Variants in CUL3 observed in about 807,000 individuals in gnomAD.
CUL3 encodes the protein cullin-3.
A neutral mutation model predicts 89.1 loss-of-function variants in CUL3; 19 were observed. The observed-to-expected ratio is 0.21, with a 90% CI of 0.15 to 0.31. The LOEUF is 0.31. CUL3 is among the 10% of genes least tolerant of loss of function. The pLI, the probability that CUL3 is intolerant of heterozygous loss-of-function variation, is 1.00. For synonymous variants in CUL3, 351 were observed against 308.4 expected (o/e 1.14, Z -1.45); for missense variants, 469 against 942.3 (o/e 0.50, Z 6.58).
chr2:224,565,293 G>A (rs1490384075), intron 1 of CUL3, among the ~76,000 whole-genome samples: 1 of 152,230 alleles, frequency 6.6e-6, no homozygotes, highest in African/African-American at 2.4e-5. Context: ...ATAAGTGGAA[G>A]TGGATTGTCA....
At chr2:224,475,604 C>G (rs1236154783) in intron 15 of CUL3, among the ~76,000 whole-genome samples, 1 of 152,160 alleles carries the variant, frequency 6.6e-6, no homozygotes, top group Non-Finnish European at 1.5e-5. Context: ...TATCGCCCTT[C>G]CAGGATTACC....
At chr2:224,484,953 G>A (rs1343324850) in intron 13 of CUL3, among the ~76,000 whole-genome samples, 1 of 152,158 alleles carries the variant, frequency 6.6e-6, no homozygotes, top group East Asian at 1.9e-4. Context: ...CAATGGGACT[G>A]GTTAGACAGT....
Position 224,473,861 on chromosome 2 carries a change from A to G in CUL3, c.*384T>C, listed in dbSNP as rs561591751. 2.8e-5 allele frequency: 6 copies of G among 214,598 alleles called. No individual in the cohort carries two copies. Among genetic ancestry groups the G allele is most frequent in the Admixed American group, 5.8e-5 (1 of 17,290 alleles). The allele number at this position is 214,598 out of a possible 1,614,324, so 13.3% of individuals were successfully genotyped here. On this transcript the variant is annotated 3_prime_UTR_variant, in exon 16 of 16. Coordinates refer to ENST00000264414, the MANE Select transcript of CUL3 (RefSeq NM_003590.5). ...AACTTACACAATGCGCAAAGTGCTAAGCAACACTACAAAACACATTTACAT... is the reference window on the plus strand; with the variant it reads ...AACTTACACAATGCGCAAAGTGCTAGGCAACACTACAAAACACATTTACAT...
At chr2:224,545,357 C>G (rs1694255074) in intron 2 of CUL3, among the ~76,000 whole-genome samples, 1 of 152,082 alleles carries the variant, frequency 6.6e-6, no homozygotes, top group South Asian at 2.1e-4. Flanking sequence ...AAGATAGCCA[C>G]TGTAGGGAAA....
At chr2:224,479,540 TAAAAG>T (rs998181221) in intron 14 of CUL3, 2 of 152,120 alleles carry the variant, frequency 1.3e-5, no homozygotes, top group African/African-American at 4.8e-5. Context: ...AAGTGAGATA[TAAAAG>T]AAATTTTTGA....
intron 14 of CUL3, 171 bp from the exon 15 acceptor site, chr2:224,478,516 T>C: frequency 2.1e-6 from 1 of 481,326 alleles, no homozygotes; most frequent in Non-Finnish European, 3.6e-6. Context: ...TTTACTTGAA[T>C]ACTAAATTAT....
chr2:224,517,604 C>G (rs1433942879), intron 3 of CUL3, among the ~76,000 whole-genome samples: 1 of 152,172 alleles, frequency 6.6e-6, no homozygotes. Flanking sequence ...ACCCAGTAGA[C>G]AGAGGCTGCA....
At chr2:224,542,573 G>A (rs548933780) in intron 2 of CUL3, among the ~76,000 whole-genome samples, 167 of 151,840 alleles carry the variant, frequency 1.1e-3, no homozygotes, top group Non-Finnish European at 2.0e-3. Context: ...GTGTGTGTGC[G>A]CGCGCGCATG....
chr2:224,537,558 T>C (rs113701239), intron 2 of CUL3, among the ~76,000 whole-genome samples: 52 of 152,248 alleles, frequency 3.4e-4, no homozygotes, highest in Middle Eastern at 3.4e-3. Flanking sequence ...ACTTGTCAGA[T>C]ACAAATCCCA....
intron 6 of CUL3, among the ~76,000 whole-genome samples, chr2:224,509,217 CA>C (rs1559151477): frequency 6.6e-6 from 1 of 151,968 alleles, no homozygotes; most frequent in African/African-American, 2.4e-5. Flanking sequence ...TTAACCCCCC[CA>C]CCTTTTTTTT....
At position 224,485,491 on chromosome 2, in the gene CUL3, T is replaced by TA. The variant is rs1415062265; in HGVS notation, c.1843-3414dup. On this transcript the variant is annotated intron_variant, in intron 13 of 15. Coordinates refer to ENST00000264414, the MANE Select transcript of CUL3 (RefSeq NM_003590.5). The surrounding 1 kb of genome is among the most constrained non-coding windows in gnomAD (Gnocchi z 4.1). ...AGTAGGCGGTTTTCCCCTCACAGTG[T>TA]AAACAAGGCCTCCAGGAAGTTCGAA... 2 of 152,258 alleles carry TA rather than the reference T, an allele frequency of 1.3e-5. No individual in the cohort carries two copies. The highest frequency in any genetic ancestry group is 2.9e-5 in the Non-Finnish European group (2 of 68,148). The allele number at this position is 152,258 out of a possible 1,614,324, so 9.4% of individuals were successfully genotyped here.
chr2:224,481,775 T>G (rs772516515), intron 14 of CUL3, 117 bp downstream of exon 14: 1 of 630,210 alleles, frequency 1.6e-6, no homozygotes. Flanking sequence ...TTCTTAAGCC[T>G]AAGTATCATG....
intron 3 of CUL3, among the ~76,000 whole-genome samples, chr2:224,530,124 AACT>A (rs1693637181): frequency 6.6e-6 from 1 of 152,142 alleles, no homozygotes. Context: ...CTGTAGTCCC[AACT>A]ACTCAGGAGG....
At chr2:224,541,522 A>T (rs1694102512) in intron 2 of CUL3, among the ~76,000 whole-genome samples, 1 of 152,250 alleles carries the variant, frequency 6.6e-6, no homozygotes, top group African/African-American at 2.4e-5. Flanking sequence ...GGCAGTTCTT[A>T]GGAAGTTAAA....
chr2:224,579,106 C>T (rs1454951899), intron 1 of CUL3, among the ~76,000 whole-genome samples: 1 of 152,134 alleles, frequency 6.6e-6, no homozygotes, highest in Non-Finnish European at 1.5e-5. Flanking sequence ...CTCTGAACTG[C>T]TATCTAGAAA....
intron 6 of CUL3, among the ~76,000 whole-genome samples, chr2:224,510,445 T>A (rs1317692768): frequency 6.6e-6 from 1 of 152,096 alleles, no homozygotes; most frequent in Non-Finnish European, 1.5e-5. Flanking sequence ...TTCCTTTCTC[T>A]TGTATCCTCC....
chr2:224,571,067 C>T (rs1574706018), intron 1 of CUL3, among the ~76,000 whole-genome samples: 1 of 152,146 alleles, frequency 6.6e-6, no homozygotes, highest in Non-Finnish European at 1.5e-5. Flanking sequence ...AAATAAGATA[C>T]AATAATGTAA....
At chr2:224,477,674 A>T (rs986742537) in intron 15 of CUL3, among the ~76,000 whole-genome samples, 9 of 152,198 alleles carry the variant, frequency 5.9e-5, no homozygotes, top group Non-Finnish European at 1.0e-4. Context: ...CCAGAAACCT[A>T]AACGGCGTCT....
Position 224,549,493 on chromosome 2 carries a change from T to C in CUL3, c.264+8166A>G, listed in dbSNP as rs576087344. On this transcript the variant is annotated intron_variant, in intron 2 of 15. Coordinates refer to ENST00000264414, the MANE Select transcript of CUL3 (RefSeq NM_003590.5). ...GCTAAAACGACCAACTCCAAACTCA[T>C]TTTATAGATTAATACTTTAAATCCC... Among the ~76,000 whole-genome samples, 6 of 152,320 alleles carry C rather than the reference T, an allele frequency of 3.9e-5. No individual in the cohort carries two copies. The East Asian group carries it at 1.2e-3, about 29-fold the overall frequency.
Sources: gnomAD v4.1 joint callset for allele counts (sites outside exome capture counted in the v4.1 genomes callset) on GRCh38, gnomAD v4.1.1 for gene constraint, Gnocchi (gnomAD v3.1) non-coding constraint, MANE v1.5 for transcripts, NCBI Gene and HGNC (gene_info 2026-07-23, HGNC 2026-07-21) for gene names.